Variants in SLC38A6 observed in about 807,000 individuals in gnomAD.
SLC38A6 encodes the protein solute carrier family 38 member 6, also known as N system amino acid transporter NAT-1.
A neutral mutation model predicts 65.0 loss-of-function variants in SLC38A6; 73 were observed. The ratio of observed to expected loss-of-function variants is 1.12; its 90% CI spans 0.93 to 1.37. The LOEUF is 1.37. Among genes scored for constraint, SLC38A6 ranks in the 40% most tolerant of loss-of-function variants. SLC38A6 has a pLI of 0.00. For synonymous variants in SLC38A6, 183 were observed against 178.8 expected, an observed-to-expected ratio of 1.02 and a Z score of -0.19; for missense variants, 561 against 531.1, an observed-to-expected ratio of 1.06 and a Z score of -0.55.
In SLC38A6 at chr14:60,990,641, A is replaced by T. The variant is rs568850209; in HGVS notation, c.310+5838A>T. 1.8e-3 allele frequency among the ~76,000 whole-genome samples: 267 copies of T among 151,702 alleles called. 3 individuals are homozygous for T. The highest frequency in any genetic ancestry group is 7.2e-4 in the Non-Finnish European group (49 of 67,898). ...TACTGTTCCCTTCACTTCAAAAAAA[A>T]TTTTTTTTCGAGATAGTGTCTTGCT... On this transcript the variant is annotated intron_variant, in intron 3 of 15. Transcript: ENST00000267488.
At position 61,052,529 on chromosome 14, in the gene SLC38A6, A is replaced by G; in HGVS notation, c.*100A>G. ...TGGATGAAAAATAACATTTTAATAA[A>G]AATTATTAACAGAAAAGCAGAACAA... On this transcript the variant is annotated 3_prime_UTR_variant, in exon 16 of 16. Coordinates refer to ENST00000267488, the MANE Select transcript of SLC38A6 (RefSeq NM_153811.3). The G allele has an allele frequency of 2.1e-6, 3 of 1,429,414 alleles. No homozygotes were observed. The highest frequency in any genetic ancestry group is 2.7e-6 in the Non-Finnish European group (3 of 1,096,900). The allele number at this position is 1,429,414 out of a possible 1,614,324, so 88.5% of individuals were successfully genotyped here.
downstream of SLC38A6, among the ~76,000 whole-genome samples, chr14:61,054,052 A>G (rs1171760892): frequency 1.3e-5 from 2 of 152,176 alleles, no homozygotes; most frequent in Non-Finnish European, 1.5e-5. Flanking sequence ...ATTTTTATAT[A>G]TGGTATAAGG....
intron 4 of SLC38A6, among the ~76,000 whole-genome samples, chr14:61,017,049 T>C (rs2040056340): frequency 6.6e-6 from 1 of 152,168 alleles, no homozygotes; most frequent in Admixed American, 6.5e-5. Flanking sequence ...GTTTTTTGTT[T>C]TTGTTTTTTC....
intron 3 of SLC38A6, among the ~76,000 whole-genome samples, chr14:61,003,298 A>T (rs1221631692): frequency 2.0e-5 from 3 of 152,106 alleles, no homozygotes; most frequent in Non-Finnish European, 2.9e-5. Flanking sequence ...TTTCACCTAA[A>T]ATAATATGGG....
At chr14:61,048,373 G>A (rs2042290283) in intron 12 of SLC38A6, 1 of 318,100 alleles carries the variant, frequency 3.1e-6, no homozygotes, top group Admixed American at 4.2e-5. Flanking sequence ...TACCCTGTTT[G>A]ACAATGTGTA....
intron 3 of SLC38A6, among the ~76,000 whole-genome samples, chr14:60,999,062 T>C (rs2038507245): frequency 6.6e-6 from 1 of 152,226 alleles, no homozygotes; most frequent in Non-Finnish European, 1.5e-5. Flanking sequence ...AATAGTTTAC[T>C]GTTATTAGTA....
At chr14:60,983,975 A>G (rs1224863912) in intron 2 of SLC38A6, among the ~76,000 whole-genome samples, 1 of 152,216 alleles carries the variant, frequency 6.6e-6, no homozygotes, top group African/African-American at 2.4e-5. Flanking sequence ...TTTATTTATT[A>G]ACAAGTATTA....
chr14:61,005,627 G>A (rs1368526672), intron 3 of SLC38A6, among the ~76,000 whole-genome samples: 3 of 152,124 alleles, frequency 2.0e-5, no homozygotes, highest in Non-Finnish European at 2.9e-5. Context: ...ACTTAGAAGG[G>A]ATGTGAAGGA....
Position 61,046,058 on chromosome 14 carries a change from G to T in SLC38A6, c.825-9G>T. 1 of 1,546,124 alleles carries T rather than the reference G, an allele frequency of 6.5e-7. No individual in the cohort carries two copies. The highest frequency in any genetic ancestry group is 1.1e-5 in the South Asian group (1 of 87,338). On this transcript the variant is annotated splice_polypyrimidine_tract_variant and intron_variant, in intron 11 of 15. Transcript: ENST00000267488. ...CACTTATTCTACCTTTGTCATTTTT[G>T]TCTTTTAGTCCTTCAAAGAAAAGAA...
intron 3 of SLC38A6, among the ~76,000 whole-genome samples, chr14:61,000,358 A>G (rs2038620790): frequency 6.6e-6 from 1 of 152,246 alleles, no homozygotes; most frequent in Admixed American, 6.5e-5. Context: ...GGGCAGGCCC[A>G]GTGGCTCACG....
chr14:61,070,633 A>C (rs1002099717), intron 15 of SLC38A6, among the ~76,000 whole-genome samples: 1 of 152,196 alleles, frequency 6.6e-6, no homozygotes, highest in South Asian at 2.1e-4. Context: ...AAGAATCTCT[A>C]TACTGGTTTC....
At chr14:61,073,247 G>A (rs1454944169) in intron 15 of SLC38A6, among the ~76,000 whole-genome samples, 1 of 152,102 alleles carries the variant, frequency 6.6e-6, no homozygotes, top group African/African-American at 2.4e-5. Flanking sequence ...TTTTCCAATG[G>A]AGTTGTTTGA....
chr14:61,014,795 C>A (rs1007143895), intron 3 of SLC38A6, among the ~76,000 whole-genome samples: 10 of 152,332 alleles, frequency 6.6e-5, no homozygotes, highest in African/African-American at 2.4e-4. Flanking sequence ...TCTGCCCCTA[C>A]AGGGGGGTGC....
intron 11 of SLC38A6, 120 bp downstream of exon 11, chr14:61,045,545 T>A: frequency 4.2e-6 from 3 of 713,104 alleles, no homozygotes; most frequent in Non-Finnish European, 6.9e-6. Flanking sequence ...TCCTAAGTGT[T>A]AGTTTAAAAC....
At chr14:61,025,296 G>A (rs1264974259) in intron 5 of SLC38A6, among the ~76,000 whole-genome samples, 1 of 152,148 alleles carries the variant, frequency 6.6e-6, no homozygotes, top group Non-Finnish European at 1.5e-5. Context: ...CTTTCTTCCT[G>A]TATATTCATT....
intron 5 of SLC38A6, among the ~76,000 whole-genome samples, chr14:61,025,591 G>C (rs2060875573): frequency 6.6e-6 from 1 of 152,022 alleles, no homozygotes; most frequent in Admixed American, 6.6e-5. Flanking sequence ...TTAAGGTTTT[G>C]AAAATATTTT....
chr14:61,043,276 C>A, intron 9 of SLC38A6, 64 bp downstream of exon 9: 1 of 1,178,152 alleles, frequency 8.5e-7, no homozygotes, highest in Non-Finnish European at 1.2e-6. Flanking sequence ...AAAAGAAAGA[C>A]TAATGATTCT....
chr14:61,068,068 C>G (rs2043091583), intron 15 of SLC38A6, among the ~76,000 whole-genome samples: 1 of 152,108 alleles, frequency 6.6e-6, no homozygotes, highest in African/African-American at 2.4e-5. Flanking sequence ...TTCCTCACTT[C>G]CCTTGGAAGT....
At chr14:61,071,221 G>A (rs573883127) in intron 15 of SLC38A6, among the ~76,000 whole-genome samples, 81 of 152,192 alleles carry the variant, frequency 5.3e-4, no homozygotes, top group Non-Finnish European at 7.6e-4. Context: ...ATTTTCAAAT[G>A]TTGCAATTTT....
Sources: gnomAD v4.1 joint callset for allele counts (sites outside exome capture counted in the v4.1 genomes callset) on GRCh38, gnomAD v4.1.1 for gene constraint, MANE v1.5 for transcripts, NCBI Gene and HGNC (gene_info 2026-07-23, HGNC 2026-07-21) for gene names.